The following LACTB2 variants were observed in gnomAD, a reference collection of about 807,000 sequenced individuals.
The protein encoded by LACTB2 is lactamase beta 2.
LACTB2 carries 32 observed loss-of-function variants against 34.8 expected under a neutral mutation model. The observed-to-expected ratio is 0.92, with a 90% CI of 0.69 to 1.24. LACTB2 has a LOEUF of 1.24. Among genes scored for constraint, LACTB2 ranks in the 50% most tolerant of loss-of-function variants. The pLI, the probability that LACTB2 is intolerant of heterozygous loss-of-function variation, is 0.00. For synonymous variants in LACTB2, 120 were observed against 117.5 expected (o/e 1.02, Z -0.14); for missense variants, 320 against 345.0 (o/e 0.93, Z 0.57).
At chr8:70,661,231 C>T (rs1198122554) in intron 2 of LACTB2, 1 of 353,294 alleles carries the variant, frequency 2.8e-6, no homozygotes, top group Non-Finnish European at 5.6e-6. Flanking sequence ...ATGAATGAAT[C>T]TAGGTATATG....
chr8:70,638,129 G>C (rs1818146650), intron 6 of LACTB2, among the ~76,000 whole-genome samples: 1 of 152,164 alleles, frequency 6.6e-6, no homozygotes, highest in Non-Finnish European at 1.5e-5. Context: ...AAGATTATTA[G>C]TTTGACAAAC....
intron 1 of LACTB2, among the ~76,000 whole-genome samples, chr8:70,665,358 GA>G (rs970125418): frequency 6.6e-6 from 1 of 152,138 alleles, no homozygotes; most frequent in African/African-American, 2.4e-5. Flanking sequence ...CATGAATGGA[GA>G]AAAAAATTTT....
chr8:70,647,026 G>A lies in LACTB2; in HGVS notation c.414-2783C>T, dbSNP rs550917858. Among the ~76,000 whole-genome samples, 157 of 151,924 alleles carry A rather than the reference G, an allele frequency of 1.0e-3. 1 individual carries two copies. The highest frequency in any genetic ancestry group is 1.3e-3 in the Non-Finnish European group (91 of 67,972). On this transcript the variant is annotated intron_variant, in intron 3 of 6. Coordinates refer to ENST00000276590, the MANE Select transcript of LACTB2 (RefSeq NM_016027.3). ...TCCATGTACCAGGCAGTGTCTTCAG[G>A]GATTTACACAAATTACATTTAATCC... is the stretch of plus-strand genomic sequence containing the variant.
At chr8:70,652,818 A>C (rs1818360008) in intron 3 of LACTB2, 1 of 152,220 alleles carries the variant, frequency 6.6e-6, no homozygotes, top group African/African-American at 2.4e-5. Flanking sequence ...GACCTGTTCC[A>C]CCTGGATGGC....
intron 3 of LACTB2, chr8:70,652,511 T>C (rs988999484): frequency 2.0e-5 from 3 of 152,214 alleles, no homozygotes; most frequent in Non-Finnish European, 4.4e-5. Context: ...TTTTTGTCAG[T>C]TTTCCCCTTA....
At chr8:70,643,705 G>C (rs1460908452) in intron 4 of LACTB2, among the ~76,000 whole-genome samples, 3 of 151,870 alleles carry the variant, frequency 2.0e-5, no homozygotes, top group African/African-American at 7.3e-5. Flanking sequence ...AGTAGAGATG[G>C]GGTTTCACCA....
At chr8:70,645,052 A>T (rs56230602) in intron 3 of LACTB2, among the ~76,000 whole-genome samples, 84,505 of 128,020 alleles carry the variant, frequency 0.66, 24,680 homozygotes, top group Non-Finnish European at 0.69. Flanking sequence ...ACATCATTTT[A>T]TATATATATA....
chr8:70,643,815 A>G (rs898977295), intron 4 of LACTB2, among the ~76,000 whole-genome samples: 4 of 152,110 alleles, frequency 2.6e-5, no homozygotes, highest in Admixed American at 6.6e-5. Context: ...GCCTGGCCTT[A>G]TATGTTATCT....
chr8:70,646,904 T>A (rs1818271030), intron 3 of LACTB2, among the ~76,000 whole-genome samples: 1 of 152,212 alleles, frequency 6.6e-6, no homozygotes, highest in Non-Finnish European at 1.5e-5. Flanking sequence ...CTCACAAGGT[T>A]ATGAGTTCCA....
At chr8:70,663,611 T>C (rs531327936) in intron 1 of LACTB2, among the ~76,000 whole-genome samples, 293 of 73,138 alleles carry the variant, frequency 4.0e-3, no homozygotes, top group African/African-American at 9.6e-3. Flanking sequence ...ACCAGGATAT[T>C]TGTTAAACAA....
At chr8:70,665,734 T>C (rs1407835160) in intron 1 of LACTB2, among the ~76,000 whole-genome samples, 3 of 152,258 alleles carry the variant, frequency 2.0e-5, no homozygotes, top group African/African-American at 4.8e-5. Context: ...ATATGGCTAG[T>C]AAATGGCACC....
chr8:70,644,665 A>C (rs978207468), intron 3 of LACTB2, among the ~76,000 whole-genome samples: 6 of 152,002 alleles, frequency 3.9e-5, no homozygotes, highest in African/African-American at 1.5e-4. Context: ...TTTTTTGTAG[A>C]GACAGGATCT....
chr8:70,668,879 G>C (rs1818580149), intron 1 of LACTB2, 120 bp downstream of exon 1: 16 of 1,376,300 alleles, frequency 1.2e-5, no homozygotes, highest in South Asian at 7.1e-5. Context: ...TGCTAGGCGC[G>C]GGGCTGCCCA....
intron 2 of LACTB2, chr8:70,661,496 C>T: frequency 2.5e-6 from 1 of 392,880 alleles, no homozygotes; most frequent in Non-Finnish European, 4.6e-6. Flanking sequence ...ATGATTAAGT[C>T]TGAATAGTAA....
rs1315729867 is a variant in LACTB2 at position 70,651,620 on chromosome 8, AC to A, written c.413+6135del. Among the ~76,000 whole-genome samples the A allele has an allele frequency of 6.6e-5, 10 of 151,642 alleles. No homozygotes were observed. The South Asian group carries it at 8.4e-4, about 13-fold the overall frequency. On this transcript the variant is annotated intron_variant, in intron 3 of 6. Coordinates refer to ENST00000276590, the MANE Select transcript of LACTB2 (RefSeq NM_016027.3). ...CCTCCTTCATTATCAGCCCTCCCTG[AC>A]CCCCTACCACACCAGAACTCAGTAA... is the stretch of plus-strand genomic sequence containing the variant.
At chr8:70,657,560 T>G (rs1273539945) in intron 3 of LACTB2, among the ~76,000 whole-genome samples, 196 bp downstream of exon 3, 3 of 151,676 alleles carry the variant, frequency 2.0e-5, no homozygotes, top group African/African-American at 7.3e-5. Context: ...GCCTCCTGAA[T>G]AGCAGGATTA....
intron 2 of LACTB2, 99 bp from the exon 3 acceptor site, chr8:70,657,981 A>T: frequency 5.7e-6 from 4 of 698,046 alleles, no homozygotes; most frequent in Non-Finnish European, 8.8e-6. Context: ...ATGACTGCAT[A>T]AAATATTAAC....
At chr8:70,644,821 A>G (rs1818241858) in intron 3 of LACTB2, among the ~76,000 whole-genome samples, 1 of 152,196 alleles carries the variant, frequency 6.6e-6, no homozygotes, top group African/African-American at 2.4e-5. Context: ...AGCACTGATT[A>G]TAACAAATTT....
intron 6 of LACTB2, 36 bp from the exon 7 acceptor site, chr8:70,637,939 A>G (rs757942234): frequency 1.6e-6 from 2 of 1,263,558 alleles, no homozygotes; most frequent in South Asian, 3.1e-5. Flanking sequence ...AAATTTAACA[A>G]TAGATAAGTA....
Sources: gnomAD v4.1 joint callset for allele counts (sites outside exome capture counted in the v4.1 genomes callset) on GRCh38, gnomAD v4.1.1 for gene constraint, MANE v1.5 for transcripts, NCBI Gene and HGNC (gene_info 2026-07-23, HGNC 2026-07-21) for gene names.